The following PAG1 variants were observed in gnomAD, a reference collection of about 807,000 sequenced individuals.
PAG1 encodes phosphoprotein membrane anchor with glycosphingolipid microdomains 1.
In PAG1, 23 loss-of-function variants were observed where a neutral mutation model predicts 31.7. The ratio of observed to expected loss-of-function variants is 0.73; its 90% CI spans 0.52 to 1.03. The LOEUF (loss-of-function observed/expected upper bound fraction) is 1.03, where lower values mean the gene tolerates loss of function less well. PAG1 is among the 50% of genes least tolerant of loss of function. The pLI is 0.00. For synonymous variants in PAG1, 214 were observed against 210.3 expected (o/e 1.02, Z -0.15); for missense variants, 473 against 540.7 (o/e 0.87, Z 1.24).
chr8:80,997,177 C>T (rs1807691960), intron 3 of PAG1, among the ~76,000 whole-genome samples: 1 of 152,122 alleles, frequency 6.6e-6, no homozygotes. Context: ...AGGAGCATCC[C>T]CTATGTTTTT....
intron 2 of PAG1, among the ~76,000 whole-genome samples, chr8:81,039,189 A>G (rs1349102414): frequency 6.6e-6 from 1 of 152,064 alleles, no homozygotes; most frequent in Non-Finnish European, 1.5e-5. Context: ...TGAGCCTGTT[A>G]GGTTTGATTT....
In PAG1 at chr8:80,969,279, C is replaced by T. The variant is rs758850970; in HGVS notation, c.*7265G>A. On this transcript the variant is annotated 3_prime_UTR_variant, in exon 9 of 9. Transcript: ENST00000220597. ...CTTAAGGGATGGGTCATGAACACCA[C>T]ATCAGGTTCATTTATGAGTCTTATA... 4 of 152,148 alleles carry T rather than the reference C, an allele frequency of 2.6e-5. No homozygotes were observed. The highest frequency in any genetic ancestry group is 6.5e-5 in the Admixed American group (1 of 15,278). The allele number at this position is 152,148 out of a possible 1,614,324, so 9.4% of individuals were successfully genotyped here.
At chr8:81,002,159 A>C (rs1188672390) in intron 3 of PAG1, among the ~76,000 whole-genome samples, 1 of 152,112 alleles carries the variant, frequency 6.6e-6, no homozygotes, top group South Asian at 2.1e-4. Context: ...CGCTCTGTTA[A>C]GCATTGCTTT....
At chr8:80,992,825 T>C (rs184935300) in intron 4 of PAG1, among the ~76,000 whole-genome samples, 1 of 152,110 alleles carries the variant, frequency 6.6e-6, no homozygotes, top group Non-Finnish European at 1.5e-5. Context: ...TTGACAAGGG[T>C]GTGATCGAAA....
intron 2 of PAG1, among the ~76,000 whole-genome samples, chr8:81,035,225 A>T (rs1808443652): frequency 6.6e-6 from 1 of 152,150 alleles, no homozygotes; most frequent in Admixed American, 6.5e-5. Context: ...TCTCAAGAAG[A>T]TCACCTGGCA....
chr8:80,968,841 G>A lies in PAG1; in HGVS notation c.*7703C>T, dbSNP rs923280062. The A allele has an allele frequency of 1.3e-5, 2 of 152,022 alleles. No homozygotes were observed. Among genetic ancestry groups the A allele is most frequent in the East Asian group, 3.8e-4 (2 of 5,196 alleles). The allele number at this position is 152,022 out of a possible 1,614,324, so 9.4% of individuals were successfully genotyped here. A position where few individuals can be genotyped will look rare whatever the true frequency, so the allele number is the denominator to read the frequency against. ...TTCTCATTTACACACATTTACTCAA[G>A]AGACTCAGAGTGGCAGATAGGGAAT... On this transcript the variant is annotated 3_prime_UTR_variant, in exon 9 of 9. Coordinates refer to ENST00000220597, the MANE Select transcript of PAG1 (RefSeq NM_018440.4).
intron 1 of PAG1, among the ~76,000 whole-genome samples, chr8:81,103,176 T>C (rs1809636521): frequency 6.7e-6 from 1 of 149,822 alleles, no homozygotes; most frequent in Non-Finnish European, 1.5e-5. Flanking sequence ...AAAAAGCAGA[T>C]TTTCCCCCAA....
chr8:81,046,288 GC>G (rs1345869381), intron 2 of PAG1, among the ~76,000 whole-genome samples: 1 of 152,190 alleles, frequency 6.6e-6, no homozygotes, highest in Non-Finnish European at 1.5e-5. Flanking sequence ...TGTTTAGCAA[GC>G]CTTCTGAATA....
intron 5 of PAG1, among the ~76,000 whole-genome samples, chr8:80,989,838 G>A (rs918375060): frequency 3.3e-5 from 5 of 152,128 alleles, no homozygotes; most frequent in Admixed American, 6.5e-5. Flanking sequence ...GCTCCCAGGT[G>A]CTGCTGCTGC....
intron 2 of PAG1, among the ~76,000 whole-genome samples, chr8:81,033,402 G>T (rs138963933): frequency 6.6e-6 from 1 of 152,182 alleles, no homozygotes; most frequent in Non-Finnish European, 1.5e-5. Flanking sequence ...AGGTGATAGA[G>T]ATAATTAGGT....
Position 80,976,634 on chromosome 8 carries a change from C to A in PAG1, c.1209G>T (p.Gly403=). The part of the protein sequence containing the change: ...LNREEEKATL[G]TNGHHGLVPK... ...GGACGAGACCGTGGTGGCCATTGGT[C>A]CCCAGGGTGGCCTTTTCTTCCTCTC... is the stretch of plus-strand genomic sequence containing the variant. Residue 403 remains glycine, a synonymous_variant, in exon 9 of 9, where the codon GGG becomes GGT. Coordinates refer to ENST00000220597, the MANE Select transcript of PAG1 (RefSeq NM_018440.4). 1 of 1,614,120 alleles carries A rather than the reference C, an allele frequency of 6.2e-7. No homozygotes were observed.
chr8:80,992,419 G>C (rs890534503), intron 4 of PAG1, among the ~76,000 whole-genome samples: 4 of 152,216 alleles, frequency 2.6e-5, no homozygotes, highest in African/African-American at 9.7e-5. Context: ...GGTCTGCATG[G>C]GCCTCTGGTG....
intron 1 of PAG1, among the ~76,000 whole-genome samples, chr8:81,110,064 C>T (rs986053378): frequency 1.3e-5 from 2 of 152,026 alleles, no homozygotes; most frequent in African/African-American, 2.4e-5. Context: ...AAAAAAAAAC[C>T]CTTTACACTT....
intron 5 of PAG1, among the ~76,000 whole-genome samples, chr8:80,989,654 C>T (rs1007516764): frequency 1.3e-5 from 2 of 152,096 alleles, no homozygotes; most frequent in Non-Finnish European, 2.9e-5. Flanking sequence ...TCCTTTTATC[C>T]ACCTGCCACT....
chr8:81,111,551 C>T (rs1260032163), intron 1 of PAG1, 40 bp downstream of exon 1: 3 of 152,386 alleles, frequency 2.0e-5, no homozygotes, highest in Admixed American at 6.5e-5. Context: ...CCTCTCCTTC[C>T]CACGGCTCCC....
chr8:81,067,629 G>A (rs1344999106), intron 2 of PAG1: 1 of 152,208 alleles, frequency 6.6e-6, no homozygotes, highest in Admixed American at 6.5e-5. Context: ...GCTGGCTAGA[G>A]TCATCATTTC....
intron 3 of PAG1, among the ~76,000 whole-genome samples, chr8:81,018,389 C>T (rs375253834): frequency 8.5e-5 from 13 of 152,194 alleles, no homozygotes; most frequent in African/African-American, 3.1e-4. Context: ...TCAGATTCAA[C>T]ATGGGTATTT....
chr8:81,091,030 G>A (rs1809435718), intron 1 of PAG1, among the ~76,000 whole-genome samples: 1 of 152,330 alleles, frequency 6.6e-6, no homozygotes, highest in East Asian at 1.9e-4. Context: ...AGGAACATAT[G>A]TCATCCAGAT....
intron 2 of PAG1, among the ~76,000 whole-genome samples, chr8:81,031,618 AT>A (rs199732539): frequency 6.6e-6 from 1 of 152,256 alleles, no homozygotes; most frequent in African/African-American, 2.4e-5. Flanking sequence ...AGAACTAACA[AT>A]TTTTTAAAAA....
Sources: gnomAD v4.1 joint callset for allele counts (sites outside exome capture counted in the v4.1 genomes callset) on GRCh38, gnomAD v4.1.1 for gene constraint, MANE v1.5 for transcripts, NCBI Gene and HGNC (gene_info 2026-07-23, HGNC 2026-07-21) for gene names.